Variants in DPP10 observed in about 807,000 individuals in gnomAD.
DPP10 encodes inactive dipeptidyl peptidase 10.
DPP10 carries 33 observed loss-of-function variants against 120.9 expected under a neutral mutation model. The ratio of observed to expected loss-of-function variants is 0.27; its 90% CI spans 0.21 to 0.37. The LOEUF is 0.37. DPP10 is among the 10% of genes least tolerant of loss of function. The pLI is 1.00. For missense variants in DPP10, 816 were observed against 942.8 expected, an observed-to-expected ratio of 0.87 and a Z score of 1.76; for synonymous variants, 337 against 326.1, an observed-to-expected ratio of 1.03 and a Z score of -0.36.
At chr2:115,679,294 G>A (rs943293614) in intron 5 of DPP10, among the ~76,000 whole-genome samples, 2 of 152,106 alleles carry the variant, frequency 1.3e-5, no homozygotes, top group Non-Finnish European at 2.9e-5. Flanking sequence ...TCATAGGAGG[G>A]ACCTGATGGG....
chr2:115,755,209 GAAAT>G (rs1679249350), intron 11 of DPP10, among the ~76,000 whole-genome samples: 1 of 151,962 alleles, frequency 6.6e-6, no homozygotes, highest in African/African-American at 2.4e-5. Flanking sequence ...AAAGTTATTA[GAAAT>G]AAATCTAACA....
intron 1 of DPP10, among the ~76,000 whole-genome samples, chr2:115,118,890 C>A (rs552771283): frequency 2.6e-5 from 4 of 152,016 alleles, no homozygotes; most frequent in African/African-American, 4.8e-5. Flanking sequence ...GCTGGAGTTA[C>A]AGGTGTGAGC....
At chr2:115,540,018 A>T (rs1414169701) in intron 5 of DPP10, among the ~76,000 whole-genome samples, 1 of 151,922 alleles carries the variant, frequency 6.6e-6, no homozygotes, top group Non-Finnish European at 1.5e-5. Context: ...TAACCAGCTC[A>T]AAGAGAGTGT....
chr2:114,755,346 T>C (rs1202256288), intron 1 of DPP10, among the ~76,000 whole-genome samples: 1 of 152,158 alleles, frequency 6.6e-6, no homozygotes. Context: ...CAGGCTGGAG[T>C]GCAATGGCAC....
At chr2:115,547,676 G>A (rs1277302922) in intron 5 of DPP10, among the ~76,000 whole-genome samples, 1 of 151,690 alleles carries the variant, frequency 6.6e-6, no homozygotes, top group Non-Finnish European at 1.5e-5. Context: ...TGAAGTGGGT[G>A]GATCACCTGA....
At chr2:115,545,819 A>G (rs375027499) in intron 5 of DPP10, among the ~76,000 whole-genome samples, 3 of 152,178 alleles carry the variant, frequency 2.0e-5, no homozygotes, top group East Asian at 1.9e-4. Flanking sequence ...CTGTTTTTAT[A>G]TGGCACCTCC....
intron 1 of DPP10, among the ~76,000 whole-genome samples, chr2:114,582,905 G>A (rs749185448): frequency 7.9e-5 from 12 of 152,084 alleles, no homozygotes; most frequent in Non-Finnish European, 1.0e-4. Flanking sequence ...ACTTGTGTAC[G>A]TCCTTATTAC....
intron 1 of DPP10, among the ~76,000 whole-genome samples, chr2:115,062,575 GTTC>G (rs1378763777): frequency 1.3e-5 from 2 of 152,018 alleles, no homozygotes; most frequent in Non-Finnish European, 2.9e-5. Flanking sequence ...AGTGTGTGTT[GTTC>G]TTCTCCCTGT....
intron 21 of DPP10, among the ~76,000 whole-genome samples, chr2:115,824,694 G>A (rs1042538581): frequency 6.6e-6 from 1 of 151,802 alleles, no homozygotes; most frequent in Non-Finnish European, 1.5e-5. Flanking sequence ...GTGTGTATAT[G>A]CTACATTTTC....
intron 1 of DPP10, among the ~76,000 whole-genome samples, chr2:114,897,852 G>T (rs930062909): frequency 6.6e-6 from 1 of 151,770 alleles, no homozygotes; most frequent in Non-Finnish European, 1.5e-5. Flanking sequence ...GAAACAACAG[G>T]TGCTGGAGAG....
At chr2:115,176,541 T>C (rs1362726088) in intron 1 of DPP10, among the ~76,000 whole-genome samples, 4 of 152,096 alleles carry the variant, frequency 2.6e-5, no homozygotes, top group Non-Finnish European at 5.9e-5. Context: ...ATACATATTA[T>C]AATAACCATC....
intron 1 of DPP10, among the ~76,000 whole-genome samples, chr2:115,295,507 T>A (rs1159895254): frequency 6.6e-6 from 1 of 152,122 alleles, no homozygotes; most frequent in Non-Finnish European, 1.5e-5. Flanking sequence ...AGTTGAGAAG[T>A]TAAAACACAC....
intron 1 of DPP10, among the ~76,000 whole-genome samples, chr2:114,626,236 G>A (rs1694502867): frequency 6.6e-6 from 1 of 151,680 alleles, no homozygotes; most frequent in South Asian, 2.1e-4. Context: ...CACAGTTTAT[G>A]GTTTATAGTT....
chr2:115,842,420 G>A lies in DPP10; in HGVS notation c.*75G>A, dbSNP rs538428177. 6.6e-7 allele frequency: 1 copy of A among 1,515,284 alleles called. No homozygotes were observed. The highest frequency in any genetic ancestry group is 1.8e-5 in the Admixed American group (1 of 55,262). 93.9% of individuals were successfully genotyped at this position (1,515,284 alleles called of 1,614,324 possible). A position where few individuals can be genotyped will look rare whatever the true frequency, so the allele number is the denominator to read the frequency against. ...CTGACAAAGAGACTGTAATATTGTA[G>A]TTGCTCCAGAATGTCAAGGGCAGCT... On this transcript the variant is annotated 3_prime_UTR_variant, in exon 26 of 26. Transcript: ENST00000410059.
intron 1 of DPP10, among the ~76,000 whole-genome samples, chr2:114,756,700 T>G (rs1018602902): frequency 6.6e-6 from 1 of 151,950 alleles, no homozygotes; most frequent in African/African-American, 2.4e-5. Context: ...GATGAACTAC[T>G]GCCTCATCCT....
chr2:115,499,224 G>A (rs2076557678), intron 3 of DPP10, among the ~76,000 whole-genome samples: 1 of 152,048 alleles, frequency 6.6e-6, no homozygotes, highest in Non-Finnish European at 1.5e-5. Flanking sequence ...TCTCACCACA[G>A]AATGTGCAGC....
chr2:115,132,248 G>A (rs374315563), intron 1 of DPP10, among the ~76,000 whole-genome samples: 1 of 152,104 alleles, frequency 6.6e-6, no homozygotes, highest in Non-Finnish European at 1.5e-5. Flanking sequence ...CTGTTATGTA[G>A]ATGAAGCCTC....
intron 1 of DPP10, among the ~76,000 whole-genome samples, chr2:114,962,935 G>A (rs1010074920): frequency 6.6e-6 from 1 of 152,108 alleles, no homozygotes; most frequent in Admixed American, 6.5e-5. Context: ...ATTATCTTCA[G>A]TAAGATGGAT....
At chr2:115,719,013 C>T (rs980046576) in intron 7 of DPP10, among the ~76,000 whole-genome samples, 1 of 151,888 alleles carries the variant, frequency 6.6e-6, no homozygotes, top group Admixed American at 6.6e-5. Flanking sequence ...TTTCTCGGGG[C>T]CTGTAAATAT....
Sources: allele counts gnomAD v4.1 joint callset (sites outside exome capture counted in the v4.1 genomes callset), GRCh38; gene constraint gnomAD v4.1.1; transcripts MANE v1.5; gene names NCBI Gene and HGNC (gene_info 2026-07-23, HGNC 2026-07-21).